CACNA2D1: variants seen among roughly 807,000 people sequenced by gnomAD.
CACNA2D1 encodes the protein voltage-dependent calcium channel subunit alpha-2/delta-1.
A neutral mutation model predicts 171.5 loss-of-function variants in CACNA2D1; 53 were observed. That is an observed-to-expected ratio of 0.31 (90% confidence interval 0.25 to 0.39). The LOEUF (loss-of-function observed/expected upper bound fraction) is 0.39. CACNA2D1 is among the 10% of genes least tolerant of loss of function. CACNA2D1 has a pLI of 1.00. For synonymous variants in CACNA2D1, 442 were observed against 443.1 expected (o/e 1.00, Z 0.03); for missense variants, 903 against 1,299.8 (o/e 0.69, Z 4.69).
intron 18 of CACNA2D1, among the ~76,000 whole-genome samples, chr7:81,997,984 A>G (rs1216326609): frequency 6.6e-6 from 1 of 151,942 alleles, no homozygotes; most frequent in Non-Finnish European, 1.5e-5. Context: ...TAAAGAAAGA[A>G]CACTGGGGAA....
intron 1 of CACNA2D1, among the ~76,000 whole-genome samples, chr7:82,412,367 T>C (rs113035528): frequency 0.035 from 5,210 of 150,988 alleles, 167 homozygotes; most frequent in East Asian, 0.12. Context: ...ACTGCAACCT[T>C]TGCCTCCAGG....
chr7:82,271,291 A>G (rs1383631322), intron 3 of CACNA2D1, among the ~76,000 whole-genome samples: 3 of 152,106 alleles, frequency 2.0e-5, no homozygotes, highest in Non-Finnish European at 4.4e-5. Flanking sequence ...CATGATGTAC[A>G]CAGTCATTCA....
chr7:81,950,679 A>G (rs2129937543), intron 38 of CACNA2D1, among the ~76,000 whole-genome samples, 171 bp from the exon 39 acceptor site: 1 of 152,232 alleles, frequency 6.6e-6, no homozygotes, highest in Non-Finnish European at 1.5e-5. Context: ...AGATTTTATC[A>G]TTGAGGAATT....
chr7:81,952,172 G>A (rs1792683103), intron 38 of CACNA2D1, among the ~76,000 whole-genome samples: 3 of 151,356 alleles, frequency 2.0e-5, no homozygotes, highest in Non-Finnish European at 2.9e-5. Flanking sequence ...ACTTTCTGAT[G>A]GGATTATTTG....
intron 12 of CACNA2D1, among the ~76,000 whole-genome samples, chr7:82,032,429 T>C (rs1022077629): frequency 1.3e-5 from 2 of 151,688 alleles, no homozygotes; most frequent in African/African-American, 2.4e-5. Flanking sequence ...CAATCTTTAA[T>C]AATTAAATAA....
intron 6 of CACNA2D1, among the ~76,000 whole-genome samples, chr7:82,104,722 G>A (rs1481719653): frequency 6.6e-6 from 1 of 151,938 alleles, no homozygotes; most frequent in African/African-American, 2.4e-5. Flanking sequence ...TAAAAAATAA[G>A]TATGAGACAA....
chr7:81,962,069 G>A (rs1358257000), intron 35 of CACNA2D1, 46 bp from the exon 36 acceptor site: 1 of 1,601,052 alleles, frequency 6.2e-7, no homozygotes, highest in Admixed American at 1.7e-5. Context: ...ACCATTAGGA[G>A]GGGTCTCTGT....
At chr7:82,094,807 C>G (rs1397624006) in intron 6 of CACNA2D1, among the ~76,000 whole-genome samples, 1 of 146,900 alleles carries the variant, frequency 6.8e-6, no homozygotes, top group African/African-American at 2.6e-5. Flanking sequence ...GGATGGTAAA[C>G]AACCAAGTCA....
chr7:82,385,298 G>T (rs2129449860), intron 1 of CACNA2D1, among the ~76,000 whole-genome samples: 1 of 152,280 alleles, frequency 6.6e-6, no homozygotes, highest in East Asian at 1.9e-4. Context: ...TACTACAGAA[G>T]GAATTATTAG....
chr7:82,421,417 ACT>A (rs1828703094), intron 1 of CACNA2D1, among the ~76,000 whole-genome samples: 1 of 152,066 alleles, frequency 6.6e-6, no homozygotes. Context: ...GTGCTAATAA[ACT>A]CTCTTTAAAA....
chr7:82,407,625 C>A (rs961659767), intron 1 of CACNA2D1, among the ~76,000 whole-genome samples: 1 of 151,312 alleles, frequency 6.6e-6, no homozygotes, highest in Non-Finnish European at 1.5e-5. Context: ...TGGAAAATTG[C>A]AAAAATTATT....
chr7:82,380,856 G>A (rs1040240552), intron 1 of CACNA2D1, among the ~76,000 whole-genome samples: 10 of 151,580 alleles, frequency 6.6e-5, no homozygotes, highest in East Asian at 2.0e-4. Flanking sequence ...CACCACACCC[G>A]GCTAATTTTT....
chr7:82,309,920 C>G (rs114689525), intron 3 of CACNA2D1, among the ~76,000 whole-genome samples: 3,725 of 152,210 alleles, frequency 0.024, 99 homozygotes, highest in Middle Eastern at 0.075. Flanking sequence ...TTGCAAAATA[C>G]TTTTCAGTAA....
At chr7:82,116,605 C>T (rs1789072473) in intron 6 of CACNA2D1, among the ~76,000 whole-genome samples, 2 of 152,112 alleles carry the variant, frequency 1.3e-5, no homozygotes. Context: ...GAGAGAGAGA[C>T]TGACAGACAT....
At chr7:82,359,038 G>A (rs760183623) in intron 1 of CACNA2D1, among the ~76,000 whole-genome samples, 6 of 151,990 alleles carry the variant, frequency 3.9e-5, no homozygotes, top group Non-Finnish European at 7.4e-5. Flanking sequence ...AAGCCTTGAG[G>A]GTTTTGTTTT....
At chr7:82,359,525 C>T (rs1448545272) in intron 1 of CACNA2D1, among the ~76,000 whole-genome samples, 1 of 152,128 alleles carries the variant, frequency 6.6e-6, no homozygotes, top group African/African-American at 2.4e-5. Context: ...ACAAATATGT[C>T]AGCTTTGTCA....
chr7:82,120,533 G>A (rs1789593501), intron 5 of CACNA2D1, among the ~76,000 whole-genome samples: 1 of 152,072 alleles, frequency 6.6e-6, no homozygotes, highest in African/African-American at 2.4e-5. Context: ...CAGGCATCAA[G>A]TCTGAATATT....
At chr7:82,409,106 GCTATAT>G (rs563707228) in intron 1 of CACNA2D1, among the ~76,000 whole-genome samples, 3 of 151,696 alleles carry the variant, frequency 2.0e-5, no homozygotes, top group Non-Finnish European at 4.4e-5. Context: ...TATTTCTTTG[GCTATAT>G]CTATAAGTTC....
intron 3 of CACNA2D1, among the ~76,000 whole-genome samples, chr7:82,244,024 T>C (rs1415315557): frequency 6.6e-6 from 1 of 152,148 alleles, no homozygotes; most frequent in Non-Finnish European, 1.5e-5. Flanking sequence ...TAGAAACTCT[T>C]TCAAACTTCA....
Sources: gnomAD v4.1 joint callset for allele counts (sites outside exome capture counted in the v4.1 genomes callset) on GRCh38, gnomAD v4.1.1 for gene constraint, MANE v1.5 for transcripts, NCBI Gene and HGNC (gene_info 2026-07-23, HGNC 2026-07-21) for gene names.